TTK: variants seen among roughly 807,000 people sequenced by gnomAD.
TTK encodes dual specificity protein kinase TTK.
Under a neutral mutation model 117.3 loss-of-function variants are expected in TTK, and 59 were observed. The ratio of observed to expected loss-of-function variants is 0.50; its 90% confidence interval spans 0.41 to 0.62. The LOEUF (loss-of-function observed/expected upper bound fraction) is 0.62. Among genes scored for constraint, TTK ranks in the 20% least tolerant of loss-of-function variants. TTK has a pLI of 0.00. For missense variants in TTK, 921 were observed against 989.4 expected (o/e 0.93, Z 0.93); for synonymous variants, 302 against 325.0 (o/e 0.93, Z 0.76).
At chr6:80,035,721 G>T (rs653665) in intron 16 of TTK, among the ~76,000 whole-genome samples, 5 of 151,802 alleles carry the variant, frequency 3.3e-5, no homozygotes. Context: ...TAAGACTTTG[G>T]GGTTCAGGCA....
In TTK at chr6:80,026,522, C is replaced by T; in HGVS notation, c.1394+8C>T. 1 of 1,613,052 alleles carries T rather than the reference C, an allele frequency of 6.2e-7. No individual in the cohort carries two copies. The highest frequency in any genetic ancestry group is 8.5e-7 in the Non-Finnish European group (1 of 1,179,592). On this transcript the variant is annotated splice_region_variant and intron_variant, in intron 12 of 21. Coordinates refer to ENST00000369798, the MANE Select transcript of TTK (RefSeq NM_003318.5). ...GGATGATTACATGAGCTGGTAATTA[C>T]TTTGGCCCCTTGCTTGATTGGCAGG...
At chr6:80,025,149 C>T (rs1332579465) in intron 11 of TTK, among the ~76,000 whole-genome samples, 6 of 152,208 alleles carry the variant, frequency 3.9e-5, no homozygotes, top group African/African-American at 9.7e-5. Context: ...CCTCCAAAAT[C>T]GCAGATGCTA....
intron 10 of TTK, 59 bp from the exon 11 acceptor site, chr6:80,022,265 G>T: frequency 6.5e-7 from 1 of 1,542,556 alleles, no homozygotes; most frequent in Non-Finnish European, 8.8e-7. Context: ...CTGTTGTTTA[G>T]GCTTAGTTTA....
intron 12 of TTK, 97 bp downstream of exon 12, chr6:80,026,611 T>C: frequency 3.3e-6 from 5 of 1,520,572 alleles, no homozygotes; most frequent in Non-Finnish European, 3.6e-6. Context: ...TCCTGCTCTT[T>C]TACTTTAAAG....
chr6:80,024,025 G>A (rs1027554456), intron 11 of TTK, among the ~76,000 whole-genome samples: 5 of 152,116 alleles, frequency 3.3e-5, no homozygotes, highest in Admixed American at 3.3e-4. Context: ...AAACCATATG[G>A]ATCATTAAAG....
intron 10 of TTK, among the ~76,000 whole-genome samples, chr6:80,014,894 C>G (rs1270984303): frequency 6.6e-6 from 1 of 152,052 alleles, no homozygotes; most frequent in African/African-American, 2.4e-5. Flanking sequence ...TATGACAGCT[C>G]TCATCTTTTA....
At chr6:80,031,713 C>T (rs1227033966) in intron 14 of TTK, among the ~76,000 whole-genome samples, 154 bp downstream of exon 14, 2 of 152,114 alleles carry the variant, frequency 1.3e-5, no homozygotes, top group South Asian at 2.1e-4. Flanking sequence ...TTTCTCTTCC[C>T]GCTGCCCCTC....
intron 14 of TTK, among the ~76,000 whole-genome samples, chr6:80,032,763 C>T (rs182184151): frequency 1.6e-4 from 25 of 152,252 alleles, no homozygotes; most frequent in Non-Finnish European, 2.4e-4. Flanking sequence ...TTGGTCAAGG[C>T]AACTTTTGTA....
chr6:80,035,674 T>C (rs1334324017), intron 16 of TTK, among the ~76,000 whole-genome samples: 1 of 152,202 alleles, frequency 6.6e-6, no homozygotes, highest in Non-Finnish European at 1.5e-5. Context: ...ACGTAGTCTG[T>C]CATCCTTATC....
rs1767272956 is a variant in TTK, at chr6:80,015,155, T to C, written c.1108+569T>C. ...GAAATAAGGAAATATTTTGTGATGA[T>C]GGTGAAGTTTGAAGAAACAAATTAG... On this transcript the variant is annotated intron_variant, in intron 10 of 21. Coordinates refer to ENST00000369798, the MANE Select transcript of TTK (RefSeq NM_003318.5). 2.7e-5 allele frequency among the ~76,000 whole-genome samples: 4 copies of C among 150,422 alleles called. No individual in the cohort carries two copies. In the Admixed American group the frequency reaches 2.7e-4, roughly 10 times the overall value.
At chr6:80,036,428 A>G in intron 16 of TTK, 47 bp from the exon 17 acceptor site, 1 of 1,543,456 alleles carries the variant, frequency 6.5e-7, no homozygotes, top group Non-Finnish European at 8.7e-7. Context: ...TTTGGTCCTT[A>G]GAATGTTTTG....
At chr6:80,028,952 AAAATT>A (rs1767682794) in intron 13 of TTK, among the ~76,000 whole-genome samples, 1 of 152,186 alleles carries the variant, frequency 6.6e-6, no homozygotes, top group Admixed American at 6.5e-5. Context: ...CATTATCTAT[AAAATT>A]AGTAAAGCTA....
chr6:80,026,560 A>C (rs1767613571), intron 12 of TTK, 46 bp downstream of exon 12: 6 of 1,607,970 alleles, frequency 3.7e-6, no homozygotes, highest in African/African-American at 1.3e-5. Context: ...GGTATGATAG[A>C]ATTAACATGG....
intron 11 of TTK, among the ~76,000 whole-genome samples, chr6:80,023,524 C>T (rs1035642252): frequency 1.3e-5 from 2 of 152,014 alleles, no homozygotes; most frequent in East Asian, 1.9e-4. Flanking sequence ...ACCCAGGAGG[C>T]GGAGCTTGCA....
intron 11 of TTK, among the ~76,000 whole-genome samples, chr6:80,025,537 A>G (rs1289609873): frequency 1.3e-5 from 2 of 152,238 alleles, no homozygotes; most frequent in African/African-American, 4.8e-5. Flanking sequence ...AAAAGTATTC[A>G]AGCAAAACTT....
Position 80,039,804 on chromosome 6 carries a change from A to G in TTK, c.2239A>G (p.Ile747Val), listed in dbSNP as rs750468084. ...IINQISKLHA[I>V]IDPNHEIEFP... ...TAATCAGATTTCTAAATTACATGCC[A>G]TAATTGATCCTAATCATGAAATTGA... Residue 747 changes from isoleucine to valine, a missense_variant, in exon 19 of 22, where the codon ATA (isoleucine) becomes GTA (valine). Transcript: ENST00000369798. 4 of 1,588,848 alleles carry G rather than the reference A, an allele frequency of 2.5e-6. No homozygotes were observed. Among genetic ancestry groups the G allele is most frequent in the East Asian group, 2.3e-5 (1 of 43,452 alleles).
chr6:80,024,985 C>G (rs1178628973), intron 11 of TTK, among the ~76,000 whole-genome samples: 1 of 152,186 alleles, frequency 6.6e-6, no homozygotes. Context: ...CTGGATCAAC[C>G]AGATCCCAAC....
rs73476065 is a variant in TTK at position 80,035,438 on chromosome 6, A to G, written c.1924+21A>G. On this transcript the variant is annotated intron_variant, in intron 16 of 21. Coordinates refer to ENST00000369798, the MANE Select transcript of TTK (RefSeq NM_003318.5). The stretch of plus-strand genomic sequence containing the variant: ...ACATGGTATTTAACAGTTTTTTTAT[A>G]TTTGTAAGGTTAAAATCTTTGTTAA... 19,350 of 1,575,378 alleles carry G rather than the reference A, an allele frequency of 0.012. 1,786 individuals are homozygous for G. In the African/African-American group the frequency reaches 0.22, roughly 18 times the overall value.
intron 10 of TTK, among the ~76,000 whole-genome samples, chr6:80,016,199 A>C (rs1767302933): frequency 6.6e-6 from 1 of 152,140 alleles, no homozygotes; most frequent in Non-Finnish European, 1.5e-5. Context: ...GTGTCTTTTG[A>C]TTCACATATG....
Sources: allele counts gnomAD v4.1 joint callset (sites outside exome capture counted in the v4.1 genomes callset), GRCh38; gene constraint gnomAD v4.1.1; transcripts MANE v1.5; gene names NCBI Gene and HGNC (gene_info 2026-07-23, HGNC 2026-07-21).